WDR1: variants seen among roughly 807,000 people sequenced by gnomAD.
WDR1 encodes WD repeat-containing protein 1.
A neutral mutation model predicts 71.9 loss-of-function variants in WDR1; 21 were observed. That is an observed-to-expected ratio of 0.29 (90% CI 0.21 to 0.42). The LOEUF is 0.42. WDR1 is among the 10% of genes least tolerant of loss of function. The pLI is 1.00. For synonymous variants in WDR1, 424 were observed against 347.4 expected (o/e 1.22, Z -2.45); for missense variants, 696 against 824.5 (o/e 0.84, Z 1.91).
intron 5 of WDR1, chr4:10,093,230 C>T (rs1560536980): frequency 1.8e-6 from 2 of 1,096,346 alleles, no homozygotes; most frequent in African/African-American, 1.6e-5. Context: ...CTCAGCTGAC[C>T]CTGTACACAA....
intron 5 of WDR1, among the ~76,000 whole-genome samples, chr4:10,090,426 C>T (rs1711893355): frequency 6.6e-6 from 1 of 152,198 alleles, no homozygotes; most frequent in South Asian, 2.1e-4. Flanking sequence ...AAGATACAGA[C>T]ACCGTTCAGT....
chr4:10,088,397 GGTCAT>G, intron 6 of WDR1, 24 bp from the exon 7 acceptor site: 1 of 1,548,454 alleles, frequency 6.5e-7, no homozygotes, highest in Non-Finnish European at 8.7e-7. Context: ...AAAACATGTG[GGTCAT>G]GTGTGTGTGA....
At position 10,088,329 on chromosome 4, in the gene WDR1, C is replaced by A; in HGVS notation, c.681G>T (p.Leu227=). The change falls in exon 7 of 15, where the codon CTG becomes CTT. Residue 227 remains leucine, a synonymous_variant. Transcript: ENST00000499869. ...CACCGTCGTGGGCCTTGCTTCCGCCCAGCGCGCACACCTTCTCCCCAGTCT... is the reference window on the plus strand; with the variant it reads ...CACCGTCGTGGGCCTTGCTTCCGCCAAGCGCGCACACCTTCTCCCCAGTCT... The part of the protein sequence containing the change: ...DGKTGEKVCA[L]GGSKAHDGGI... 6.4e-7 allele frequency: 1 copy of A among 1,559,050 alleles called. No individual in the cohort carries two copies. Among genetic ancestry groups the A allele is most frequent in the Middle Eastern group, 1.7e-4 (1 of 5,956 alleles).
chr4:10,078,730 G>A (rs1764892586), intron 12 of WDR1, 161 bp downstream of exon 12: 3 of 588,374 alleles, frequency 5.1e-6, no homozygotes, highest in East Asian at 3.3e-5. Flanking sequence ...AGGAGATGGC[G>A]TGGCTGGGCC....
intron 13 of WDR1, 108 bp downstream of exon 13, chr4:10,077,645 A>T (rs1055715182): frequency 1.4e-6 from 2 of 1,465,398 alleles, no homozygotes; most frequent in African/African-American, 2.8e-5. Context: ...AGGCAAGAAA[A>T]CTACAGCTCA....
At chr4:10,086,264 C>T (rs1711541877) in intron 8 of WDR1, among the ~76,000 whole-genome samples, 1 of 152,210 alleles carries the variant, frequency 6.6e-6, no homozygotes, top group African/African-American at 2.4e-5. Context: ...GCGTGCCTTC[C>T]TTTTTATACT....
At chr4:10,079,506 C>T (rs943063757) in intron 11 of WDR1, among the ~76,000 whole-genome samples, 6 of 152,244 alleles carry the variant, frequency 3.9e-5, no homozygotes, top group Non-Finnish European at 8.8e-5. Context: ...AGCCGGGACT[C>T]GCCCAGAATC....
intron 2 of WDR1, among the ~76,000 whole-genome samples, chr4:10,108,614 C>A (rs1462576108): frequency 6.6e-6 from 1 of 152,236 alleles, no homozygotes; most frequent in Non-Finnish European, 1.5e-5. Context: ...AAAGCTGTTA[C>A]TGCTGTAACT....
In WDR1 at chr4:10,084,540, A is replaced by T. The variant is rs1765134914; in HGVS notation, c.952-10T>A. 6.2e-7 allele frequency: 1 copy of T among 1,613,324 alleles called. No homozygotes were observed. Among genetic ancestry groups the T allele is most frequent in the Non-Finnish European group, 8.5e-7 (1 of 1,179,442 alleles). On this transcript the variant is annotated splice_polypyrimidine_tract_variant and intron_variant, in intron 8 of 14. Coordinates refer to ENST00000499869, the MANE Select transcript of WDR1 (RefSeq NM_017491.5). Reference sequence around the variant, plus strand: ...TCGATTTACTGTGACCCTGTGAAGGAGACACACTGGGCGGGTAAGCTGATG... The same window carrying T: ...TCGATTTACTGTGACCCTGTGAAGGTGACACACTGGGCGGGTAAGCTGATG...
At chr4:10,076,945 A>C in intron 14 of WDR1, 1 of 214,898 alleles carries the variant, frequency 4.7e-6, no homozygotes, top group East Asian at 1.1e-4. Flanking sequence ...CTACCAGGAA[A>C]TTTCAACGCC....
At chr4:10,098,904 C>T (rs975274269) in intron 4 of WDR1, 88 bp downstream of exon 4, 20 of 1,570,806 alleles carry the variant, frequency 1.3e-5, no homozygotes, top group African/African-American at 6.7e-5. Flanking sequence ...TTAGTACAGA[C>T]ATCAGCGCAT....
chr4:10,084,164 ACT>A (rs1346639412), intron 9 of WDR1, among the ~76,000 whole-genome samples: 1 of 152,182 alleles, frequency 6.6e-6, no homozygotes, highest in Non-Finnish European at 1.5e-5. Context: ...GTTAAGCCAC[ACT>A]CTCAGGGTTG....
chr4:10,082,127 A>G (rs1016455681), intron 10 of WDR1, among the ~76,000 whole-genome samples: 1 of 152,182 alleles, frequency 6.6e-6, no homozygotes, highest in African/African-American at 2.4e-5. Flanking sequence ...GGGCAGTAGA[A>G]AGAGGACCAG....
chr4:10,105,522 G>A (rs575825740), intron 2 of WDR1, among the ~76,000 whole-genome samples: 75 of 152,294 alleles, frequency 4.9e-4, no homozygotes, highest in African/African-American at 1.4e-3. Context: ...ATGAAAAAGC[G>A]CTCAGTGTCA....
At chr4:10,081,722 T>C (rs929922601) in intron 10 of WDR1, among the ~76,000 whole-genome samples, 15 of 151,364 alleles carry the variant, frequency 9.9e-5, no homozygotes, top group African/African-American at 3.4e-4. Context: ...CTCCTATTTA[T>C]CTGTGGTAAG....
Position 10,081,440 on chromosome 4 carries a change from G to C in WDR1, c.1201C>G (p.Gln401Glu), listed in dbSNP as rs1377008954. 2 of 1,613,672 alleles carry C rather than the reference G, an allele frequency of 1.2e-6. No homozygotes were observed. The highest frequency in any genetic ancestry group is 1.7e-5 in the Admixed American group (1 of 59,998). The change falls in exon 11 of 15, where the codon CAA becomes GAA. Residue 401 changes from glutamine to glutamate, a missense_variant. Gln to Glu is a conservative substitution (Grantham distance 29). Coordinates refer to ENST00000499869, the MANE Select transcript of WDR1 (RefSeq NM_017491.5). Reference sequence around the variant, plus strand: ...TGAACGTCCAGTTTCACAACTCCTTGTCCGCTGTTAGAGAGAAAGGAAGCA... The same window carrying C: ...TGAACGTCCAGTTTCACAACTCCTTCTCCGCTGTTAGAGAGAAAGGAAGCA... ...TSLMLRDYSG[Q>E]GVVKLDVQPK...
In WDR1 at chr4:10,116,690, G is replaced by A. The variant is rs1443573438; in HGVS notation, c.-24C>T. On this transcript the variant is annotated 5_prime_UTR_variant, in exon 1 of 15. Transcript: ENST00000499869. The stretch of plus-strand genomic sequence containing the variant: ...ATCCTCGCCCACTTGTTACCGCGCC[G>A]CGCTCGCCGAGAGCCTCCGGGGCCG... The A allele has an allele frequency of 6.7e-6, 9 of 1,349,198 alleles. 1 individual carries two copies. Among genetic ancestry groups the A allele is most frequent in the Admixed American group, 5.6e-5 (2 of 35,454 alleles). The allele number at this position is 1,349,198 out of a possible 1,614,324, so 83.6% of individuals were successfully genotyped here.
intron 5 of WDR1, among the ~76,000 whole-genome samples, 191 bp from the exon 6 acceptor site, chr4:10,088,932 C>G (rs762556304): frequency 5.3e-5 from 8 of 152,230 alleles, no homozygotes; most frequent in Non-Finnish European, 8.8e-5. Context: ...TCTGCTCCAG[C>G]CTGCCTGCCA....
At chr4:10,088,104 C>T (rs993473983) in intron 7 of WDR1, among the ~76,000 whole-genome samples, 164 bp from the exon 8 acceptor site, 2 of 152,290 alleles carry the variant, frequency 1.3e-5, no homozygotes, top group South Asian at 2.1e-4. Context: ...CCAGGTCTCC[C>T]GTTCCAGCCA....
Sources: allele counts gnomAD v4.1 joint callset (sites outside exome capture counted in the v4.1 genomes callset), GRCh38; gene constraint gnomAD v4.1.1; transcripts MANE v1.5; gene names NCBI Gene and HGNC (gene_info 2026-07-23, HGNC 2026-07-21).